The following REC114 variants were observed in gnomAD, a reference collection of about 807,000 sequenced individuals.
REC114 encodes REC114 meiotic recombination protein.
In REC114, 27 loss-of-function variants were observed where a neutral mutation model predicts 31.3. The observed-to-expected ratio is 0.86, with a 90% confidence interval of 0.64 to 1.19. The LOEUF (loss-of-function observed/expected upper bound fraction) is 1.19. Ranked by LOEUF, REC114 falls within the 50% of genes most tolerant of loss-of-function variation. The pLI, the probability that REC114 is intolerant of heterozygous loss-of-function variation, is 0.00. For missense variants in REC114, 344 were observed against 326.9 expected (o/e 1.05, Z -0.40); for synonymous variants, 134 against 127.7 (o/e 1.05, Z -0.33).
chr15:73,467,216 CA>C (rs1893073999), intron 1 of REC114, among the ~76,000 whole-genome samples: 1 of 152,086 alleles, frequency 6.6e-6, no homozygotes, highest in Admixed American at 6.6e-5. Context: ...GAACTTAGAC[CA>C]ACAAAATGTT....
intron 2 of REC114, among the ~76,000 whole-genome samples, chr15:73,499,183 C>T (rs1187163278): frequency 6.6e-6 from 1 of 151,886 alleles, no homozygotes; most frequent in Non-Finnish European, 1.5e-5. Flanking sequence ...TGAATTACTC[C>T]GATTCCTTTA....
intron 1 of REC114, among the ~76,000 whole-genome samples, chr15:73,460,108 G>A (rs1285265278): frequency 6.6e-6 from 1 of 152,044 alleles, no homozygotes; most frequent in African/African-American, 2.4e-5. Flanking sequence ...GTTTATAAAT[G>A]TTTCCAACTT....
chr15:73,450,881 G>A (rs1364090160), intron 1 of REC114, among the ~76,000 whole-genome samples: 1 of 152,162 alleles, frequency 6.6e-6, no homozygotes, highest in Non-Finnish European at 1.5e-5. Flanking sequence ...GCTCTTGAAT[G>A]ACTACTGGGT....
At chr15:73,515,544 G>A (rs986802542) in intron 2 of REC114, among the ~76,000 whole-genome samples, 1 of 152,142 alleles carries the variant, frequency 6.6e-6, no homozygotes, top group Admixed American at 6.5e-5. Flanking sequence ...ATGGTGTTTG[G>A]AAGTGGGGGC....
At chr15:73,549,942 A>G (rs1180746179) in intron 3 of REC114, among the ~76,000 whole-genome samples, 5 of 152,150 alleles carry the variant, frequency 3.3e-5, no homozygotes, top group Non-Finnish European at 7.4e-5. Flanking sequence ...ATCAAGGACT[A>G]TTTATTTGCT....
chr15:73,451,828 T>C (rs1366987268), intron 1 of REC114, among the ~76,000 whole-genome samples: 1 of 152,158 alleles, frequency 6.6e-6, no homozygotes, highest in Admixed American at 6.5e-5. Context: ...GCTGGTTCAA[T>C]GTACACAAAT....
chr15:73,523,165 C>A (rs1210516999), intron 2 of REC114, among the ~76,000 whole-genome samples: 1 of 152,016 alleles, frequency 6.6e-6, no homozygotes, highest in Non-Finnish European at 1.5e-5. Flanking sequence ...TCAAGTCCTT[C>A]ATCAGATATG....
At chr15:73,449,107 G>A (rs926261935) in intron 1 of REC114, among the ~76,000 whole-genome samples, 3 of 152,010 alleles carry the variant, frequency 2.0e-5, no homozygotes, top group African/African-American at 4.8e-5. Flanking sequence ...AGATCACAAC[G>A]CCTCGCCAGC....
intron 2 of REC114, among the ~76,000 whole-genome samples, chr15:73,504,018 T>G (rs919974769): frequency 7.0e-6 from 1 of 142,914 alleles, no homozygotes; most frequent in Non-Finnish European, 1.5e-5. Flanking sequence ...TTTTTTTTTT[T>G]TTTTTGAGAT....
chr15:73,471,686 G>A (rs1181963045), intron 1 of REC114, among the ~76,000 whole-genome samples: 1 of 152,092 alleles, frequency 6.6e-6, no homozygotes, highest in Non-Finnish European at 1.5e-5. Context: ...AATCTTTATA[G>A]TGAGTGTTTC....
intron 1 of REC114, among the ~76,000 whole-genome samples, chr15:73,445,819 A>G (rs1716906582): frequency 6.6e-6 from 1 of 152,194 alleles, no homozygotes; most frequent in African/African-American, 2.4e-5. Context: ...AACATCAGAG[A>G]TCACTGATCA....
intron 1 of REC114, among the ~76,000 whole-genome samples, chr15:73,451,323 C>A (rs1892844632): frequency 6.6e-6 from 1 of 152,184 alleles, no homozygotes; most frequent in Admixed American, 6.5e-5. Flanking sequence ...CTCAGAAATG[C>A]AAACTGCCAT....
intron 2 of REC114, among the ~76,000 whole-genome samples, chr15:73,484,646 T>C (rs1435411697): frequency 1.3e-5 from 2 of 152,232 alleles, no homozygotes; most frequent in Non-Finnish European, 2.9e-5. Context: ...AGGTTCTAAA[T>C]ATATCCAAAT....
At chr15:73,456,307 C>T (rs1429704823) in intron 1 of REC114, among the ~76,000 whole-genome samples, 1 of 151,548 alleles carries the variant, frequency 6.6e-6, no homozygotes, top group African/African-American at 2.4e-5. Context: ...TCAGACATGC[C>T]CTAATTGGTT....
At chr15:73,509,605 A>G (rs2141313797) in intron 2 of REC114, among the ~76,000 whole-genome samples, 1 of 141,622 alleles carries the variant, frequency 7.1e-6, no homozygotes, top group Non-Finnish European at 1.5e-5. Flanking sequence ...ATCCATCTTG[A>G]ATTGATTTTT....
At chr15:73,492,315 A>G (rs373980241) in intron 2 of REC114, among the ~76,000 whole-genome samples, 9 of 152,188 alleles carry the variant, frequency 5.9e-5, no homozygotes, top group African/African-American at 2.2e-4. Flanking sequence ...GGACTTGTCC[A>G]TATTATATTT....
rs1218497747 is a variant in REC114 at position 73,458,320 on chromosome 15, A to G, written c.159+14976A>G. On this transcript the variant is annotated intron_variant, in intron 1 of 5. Transcript: ENST00000331090. ...GGTAAATAGTTTGCCAAAGGGTAAC[A>G]TAGGAAGTGGAAGAACGAATTCTAA... is the stretch of plus-strand genomic sequence containing the variant. Among the ~76,000 whole-genome samples, 7 of 152,250 alleles carry G rather than the reference A, an allele frequency of 4.6e-5. No individual in the cohort carries two copies. In the East Asian group the frequency reaches 1.3e-3, roughly 29 times the overall value.
chr15:73,545,082 A>C (rs1203482950), intron 3 of REC114, among the ~76,000 whole-genome samples: 2 of 152,212 alleles, frequency 1.3e-5, no homozygotes, highest in Non-Finnish European at 2.9e-5. Flanking sequence ...TAGTAGGCCT[A>C]ATCCCTTTGT....
intron 2 of REC114, among the ~76,000 whole-genome samples, chr15:73,524,241 A>C (rs1893977039): frequency 6.6e-6 from 1 of 152,210 alleles, no homozygotes; most frequent in African/African-American, 2.4e-5. Flanking sequence ...GCTTGGATGG[A>C]AGAAGAGTGA....
Sources: gnomAD v4.1 joint callset for allele counts (sites outside exome capture counted in the v4.1 genomes callset) on GRCh38, gnomAD v4.1.1 for gene constraint, MANE v1.5 for transcripts, NCBI Gene and HGNC (gene_info 2026-07-23, HGNC 2026-07-21) for gene names.